Variants in SEPTIN10 observed in about 807,000 individuals in gnomAD.
SEPTIN10 encodes the protein septin 10.
Under a neutral mutation model 54.8 loss-of-function variants are expected in SEPTIN10, and 66 were observed. The ratio of observed to expected loss-of-function variants is 1.21; its 90% CI spans 0.99 to 1.48. The LOEUF (loss-of-function observed/expected upper bound fraction) is 1.48. SEPTIN10 is among the 40% of genes most tolerant of loss of function. The probability of loss-of-function intolerance (pLI) is 0.00; values close to 1 mark genes in which losing one functional copy is unlikely to be tolerated. For synonymous variants in SEPTIN10, 161 were observed against 181.0 expected (o/e 0.89, Z 0.89); for missense variants, 620 against 545.6 (o/e 1.14, Z -1.36).
intron 1 of SEPTIN10, among the ~76,000 whole-genome samples, chr2:109,601,168 C>G (rs1300937941): frequency 6.6e-6 from 1 of 152,218 alleles, no homozygotes; most frequent in Non-Finnish European, 1.5e-5. Context: ...TCTCCCTTTC[C>G]TAGAGACTGG....
At chr2:109,564,931 AAGT>A in intron 7 of SEPTIN10, among the ~76,000 whole-genome samples, 1 of 152,336 alleles carries the variant, frequency 6.6e-6, no homozygotes, top group South Asian at 2.1e-4. Flanking sequence ...TAAAACTTCA[AAGT>A]AGTAAATTCT....
intron 1 of SEPTIN10, among the ~76,000 whole-genome samples, chr2:109,608,000 C>T (rs766440989): frequency 1.3e-5 from 2 of 152,144 alleles, no homozygotes; most frequent in African/African-American, 4.8e-5. Context: ...TTTCTGAAGC[C>T]GTGACTCATT....
At chr2:109,606,641 T>C (rs1056161264) in intron 1 of SEPTIN10, among the ~76,000 whole-genome samples, 1 of 28,844 alleles carries the variant, frequency 3.5e-5, no homozygotes, top group African/African-American at 1.2e-4. Context: ...TTCCCTTTTA[T>C]TAAAAAAAAA....
In SEPTIN10 at chr2:109,585,246, T is replaced by C. The variant is rs757115897; in HGVS notation, c.293A>G (p.His98Arg). The change falls in exon 4 of 11, where the codon CAT becomes CGT. Residue 98 changes from histidine to arginine, a missense_variant. Physicochemically the swap from His to Arg is conservative, Grantham distance 29. Transcript: ENST00000397712. The part of the protein sequence containing the change: ...NTNFEDYESS[H>R]FCPNVKLKAQ... Reference sequence around the variant, plus strand: ...TTTAAGTTTAACATTTGGGCAAAAATGTGAGGATTCATAGTCTTCAAAATT... The same window carrying C: ...TTTAAGTTTAACATTTGGGCAAAAACGTGAGGATTCATAGTCTTCAAAATT... The C allele has an allele frequency of 1.3e-5, 21 of 1,613,278 alleles. 1 individual carries two copies. The Middle Eastern group carries it at 2.1e-3, about 164-fold the overall frequency.
At chr2:109,568,027 T>G (rs1476440064) in intron 5 of SEPTIN10, 51 bp from the exon 6 acceptor site, 1 of 1,365,158 alleles carries the variant, frequency 7.3e-7, no homozygotes, top group East Asian at 2.4e-5. Context: ...TTTTTTTTAA[T>G]CCTGCAGCTG....
In SEPTIN10 at chr2:109,545,478, G is replaced by A. The variant is rs561146888; in HGVS notation, c.1349+572C>T. 161 of 1,536,010 alleles carry A rather than the reference G, an allele frequency of 1.0e-4. 1 individual carries two copies. The African/African-American group carries it at 1.5e-3, about 14-fold the overall frequency. On this transcript the variant is annotated intron_variant, in intron 10 of 10. Coordinates refer to ENST00000397712, the MANE Select transcript of SEPTIN10 (RefSeq NM_144710.5). ...TCTCTACCTTTCTCTGCGTCTTTAC[G>A]TCCACCATTGGTTTCACAAGCTCTG...
At chr2:109,595,985 A>T (rs1398219049) in intron 1 of SEPTIN10, among the ~76,000 whole-genome samples, 7 of 152,276 alleles carry the variant, frequency 4.6e-5, no homozygotes, top group Middle Eastern at 3.4e-3. Flanking sequence ...CATATAATTC[A>T]CTGAGGCTAT....
intron 5 of SEPTIN10, among the ~76,000 whole-genome samples, chr2:109,571,540 T>C (rs1688390753): frequency 6.6e-6 from 1 of 152,194 alleles, no homozygotes; most frequent in African/African-American, 2.4e-5. Flanking sequence ...AGTATGTGTA[T>C]ATCTAAACAT....
In SEPTIN10 at chr2:109,599,174, G is replaced by A. The variant is rs551606852; in HGVS notation, c.31-6055C>T. Among the ~76,000 whole-genome samples, 7 of 152,038 alleles carry A rather than the reference G, an allele frequency of 4.6e-5. No homozygotes were observed. In the East Asian group the frequency reaches 1.4e-3, roughly 30 times the overall value. On this transcript the variant is annotated intron_variant, in intron 1 of 10. Transcript: ENST00000397712. ...ACCCAGAAAAAAAAGAACTCAAGTGGAGGCCGGGCGCGGTGGCTCACACCT... is the reference window on the plus strand; with the variant it reads ...ACCCAGAAAAAAAAGAACTCAAGTGAAGGCCGGGCGCGGTGGCTCACACCT...
chr2:109,572,505 C>T (rs1235463718), intron 5 of SEPTIN10, among the ~76,000 whole-genome samples: 1 of 151,800 alleles, frequency 6.6e-6, no homozygotes, highest in East Asian at 1.9e-4. Context: ...AGTGGCGGGG[C>T]TGAAGCAGAA....
chr2:109,584,089 C>T (rs1691867570), intron 4 of SEPTIN10, among the ~76,000 whole-genome samples: 1 of 152,158 alleles, frequency 6.6e-6, no homozygotes, highest in South Asian at 2.1e-4. Context: ...ACCTCAGCAT[C>T]ACACAATATA....
chr2:109,577,156 A>G (rs1689873681), intron 4 of SEPTIN10, among the ~76,000 whole-genome samples: 1 of 152,200 alleles, frequency 6.6e-6, no homozygotes, highest in Admixed American at 6.6e-5. Flanking sequence ...GTGGAATGAT[A>G]TTTCCAATGG....
intron 7 of SEPTIN10, 115 bp from the exon 8 acceptor site, chr2:109,564,649 G>A: frequency 2.3e-6 from 2 of 885,226 alleles, no homozygotes; most frequent in South Asian, 3.4e-5. Context: ...AATAGCAAAT[G>A]ATCAGTTTGA....
intron 2 of SEPTIN10, among the ~76,000 whole-genome samples, chr2:109,589,557 T>C (rs956039888): frequency 1.3e-5 from 2 of 151,804 alleles, no homozygotes; most frequent in Non-Finnish European, 2.9e-5. Flanking sequence ...TAAAAATAAA[T>C]AAAAAGTAAC....
intron 2 of SEPTIN10, among the ~76,000 whole-genome samples, chr2:109,586,246 C>G (rs1274795255): frequency 6.6e-6 from 1 of 152,178 alleles, no homozygotes; most frequent in African/African-American, 2.4e-5. Context: ...GGTTCAGCTC[C>G]TGGTAATGGC....
chr2:109,555,812 G>A (rs375458194), intron 8 of SEPTIN10, among the ~76,000 whole-genome samples: 4 of 152,148 alleles, frequency 2.6e-5, no homozygotes, highest in Non-Finnish European at 2.9e-5. Flanking sequence ...GAAGCAGGAC[G>A]CTCTCTTCTT....
intron 2 of SEPTIN10, among the ~76,000 whole-genome samples, chr2:109,589,674 C>T (rs1365833843): frequency 6.6e-6 from 1 of 152,030 alleles, no homozygotes; most frequent in Non-Finnish European, 1.5e-5. Context: ...CAAAATGGTA[C>T]AGTTGCTTTG....
rs567471094 is a variant in SEPTIN10, at chr2:109,562,039, T to A, written c.1028+2327A>T. On this transcript the variant is annotated intron_variant, in intron 8 of 10. Transcript: ENST00000397712. ...CAGCCTGGCCAACATGGTGAAACCC[T>A]GTCTCTACTACAAAAACACAAAAAT... 4.0e-5 allele frequency among the ~76,000 whole-genome samples: 6 copies of A among 151,862 alleles called. 1 individual carries two copies. Among genetic ancestry groups the A allele is most frequent in the African/African-American group, 1.4e-4 (6 of 41,404 alleles).
At chr2:109,562,096 C>T (rs1394619469) in intron 8 of SEPTIN10, among the ~76,000 whole-genome samples, 1 of 151,846 alleles carries the variant, frequency 6.6e-6, no homozygotes, top group Non-Finnish European at 1.5e-5. Context: ...GCCTATAGTC[C>T]CAGCTACTCA....
Sources: allele counts gnomAD v4.1 joint callset (sites outside exome capture counted in the v4.1 genomes callset), GRCh38; gene constraint gnomAD v4.1.1; transcripts MANE v1.5; gene names NCBI Gene and HGNC (gene_info 2026-07-23, HGNC 2026-07-21).